Variants in SCAMP1 observed in about 807,000 individuals in gnomAD.
The protein encoded by SCAMP1 is secretory carrier membrane protein 1, also known as secretory carrier-associated membrane protein 1.
A neutral mutation model predicts 41.8 loss-of-function variants in SCAMP1; 15 were observed. The observed-to-expected ratio is 0.36, with a 90% CI of 0.24 to 0.55. The LOEUF (loss-of-function observed/expected upper bound fraction) is 0.55, where lower values mean the gene tolerates loss of function less well. Among genes scored for constraint, SCAMP1 ranks in the 20% least tolerant of loss-of-function variants. The pLI is 0.86. For missense variants in SCAMP1, 341 were observed against 412.6 expected (o/e 0.83, Z 1.50); for synonymous variants, 135 against 136.8 (o/e 0.99, Z 0.09).
At chr5:78,376,333 C>A (rs889789263) in intron 1 of SCAMP1, among the ~76,000 whole-genome samples, 3 of 152,176 alleles carry the variant, frequency 2.0e-5, no homozygotes, top group Non-Finnish European at 4.4e-5. Context: ...TTTAGCACAT[C>A]TCAATTGGAC....
In SCAMP1 at chr5:78,475,863, C is replaced by T. The variant is rs1424786553; in HGVS notation, c.*195C>T. The T allele has an allele frequency of 5.8e-6, 2 of 344,936 alleles. No individual in the cohort carries two copies. Among genetic ancestry groups the T allele is most frequent in the Non-Finnish European group, 1.0e-5 (2 of 194,692 alleles). 21.4% of individuals were successfully genotyped at this position (344,936 alleles called of 1,614,324 possible). A position where few individuals can be genotyped will look rare whatever the true frequency, so the allele number is the denominator to read the frequency against. ...TAATAGTTTCTTAATATTTCAGTGCCCCTTGCAGAAAAAATATTACATGCT... is the reference window on the plus strand; with the variant it reads ...TAATAGTTTCTTAATATTTCAGTGCTCCTTGCAGAAAAAATATTACATGCT... On this transcript the variant is annotated 3_prime_UTR_variant, in exon 9 of 9. Transcript: ENST00000621999.
chr5:78,418,794 A>G lies in SCAMP1; in HGVS notation c.363A>G (p.Pro121=). 6.5e-7 allele frequency: 1 copy of G among 1,548,804 alleles called. No individual in the cohort carries two copies. The highest frequency in any genetic ancestry group is 8.7e-7 in the Non-Finnish European group (1 of 1,146,876). The change falls in exon 5 of 9, where the codon CCA becomes CCG. Residue 121 remains proline (P), a synonymous_variant. Transcript: ENST00000621999. ...TTACAGGTAGAAAAAATAATTGGCC[A>G]CCTCTTCCTAGCAATTTTCCTGTCG... The part of the protein sequence containing the change: ...LSQHGRKNNW[P]PLPSNFPVGP...
At chr5:78,467,461 G>T (rs1273109678) in intron 8 of SCAMP1, among the ~76,000 whole-genome samples, 2 of 152,106 alleles carry the variant, frequency 1.3e-5, no homozygotes, top group African/African-American at 4.8e-5. Context: ...AGTTTTTCAG[G>T]ATCCACCACA....
intron 8 of SCAMP1, 28 bp from the exon 9 acceptor site, chr5:78,475,476 C>A: frequency 4.6e-6 from 7 of 1,520,442 alleles, no homozygotes; most frequent in South Asian, 1.3e-5. Flanking sequence ...TGCTACTTAC[C>A]TTCTCCCACT....
intron 2 of SCAMP1, among the ~76,000 whole-genome samples, chr5:78,389,774 A>C (rs1751439755): frequency 6.6e-6 from 1 of 151,322 alleles, no homozygotes; most frequent in East Asian, 1.9e-4. Context: ...AAAACTGTTG[A>C]GGTAGATTCT....
At chr5:78,380,399 T>A (rs1290860770) in intron 1 of SCAMP1, among the ~76,000 whole-genome samples, 1 of 152,226 alleles carries the variant, frequency 6.6e-6, no homozygotes, top group Non-Finnish European at 1.5e-5. Flanking sequence ...GTAACAGTCT[T>A]TATTCCCATT....
At chr5:78,433,557 C>T (rs1359032949) in intron 6 of SCAMP1, among the ~76,000 whole-genome samples, 1 of 152,106 alleles carries the variant, frequency 6.6e-6, no homozygotes, top group African/African-American at 2.4e-5. Flanking sequence ...CATGACTGCC[C>T]TCAGTACCTC....
intron 2 of SCAMP1, among the ~76,000 whole-genome samples, chr5:78,393,706 G>A (rs960721658): frequency 6.6e-6 from 1 of 152,146 alleles, no homozygotes; most frequent in African/African-American, 2.4e-5. Flanking sequence ...CTGAAATTAT[G>A]TTGTGCATGG....
At chr5:78,451,580 T>C (rs952684886) in intron 7 of SCAMP1, among the ~76,000 whole-genome samples, 2 of 152,232 alleles carry the variant, frequency 1.3e-5, no homozygotes, top group African/African-American at 2.4e-5. Flanking sequence ...AACCTTTGGC[T>C]TTTTTCCCCT....
rs368731851 is a variant in SCAMP1, at chr5:78,396,836, C to T, written c.135+7922C>T. 2.7e-4 allele frequency among the ~76,000 whole-genome samples: 41 copies of T among 152,226 alleles called. No individual in the cohort carries two copies. In the East Asian group the frequency reaches 6.6e-3, roughly 24 times the overall value. On this transcript the variant is annotated intron_variant, in intron 2 of 8. Coordinates refer to ENST00000621999, the MANE Select transcript of SCAMP1 (RefSeq NM_004866.6). ...TAAACTATCAATGCTGATGATAGAG[C>T]AAATAAAATTAAGACAGAAAATTTA...
intron 8 of SCAMP1, among the ~76,000 whole-genome samples, chr5:78,473,901 A>T (rs1753943557): frequency 6.6e-6 from 1 of 152,100 alleles, no homozygotes; most frequent in African/African-American, 2.4e-5. Flanking sequence ...TAGCTTAAAC[A>T]ACAGATAATG....
At chr5:78,441,985 C>T (rs577360433) in intron 6 of SCAMP1, among the ~76,000 whole-genome samples, 7 of 152,140 alleles carry the variant, frequency 4.6e-5, no homozygotes, top group Admixed American at 2.6e-4. Flanking sequence ...AAATATTAGT[C>T]GGTTGTCATG....
intron 6 of SCAMP1, among the ~76,000 whole-genome samples, chr5:78,427,641 AT>A (rs1437367943): frequency 3.3e-5 from 5 of 152,096 alleles, no homozygotes; most frequent in Non-Finnish European, 7.4e-5. Context: ...TGGGTGTACC[AT>A]TTCACATTCC....
chr5:78,473,169 A>G (rs1017538859), intron 8 of SCAMP1, among the ~76,000 whole-genome samples: 2 of 152,166 alleles, frequency 1.3e-5, no homozygotes, highest in African/African-American at 4.8e-5. Flanking sequence ...TTACCAGTAT[A>G]TGTATTTGTC....
intron 1 of SCAMP1, among the ~76,000 whole-genome samples, chr5:78,382,045 T>C (rs2112071592): frequency 6.6e-6 from 1 of 152,280 alleles, no homozygotes; most frequent in East Asian, 1.9e-4. Flanking sequence ...AAGGTACATG[T>C]AGACTAAAGA....
At chr5:78,378,322 CTG>C (rs1464113735) in intron 1 of SCAMP1, among the ~76,000 whole-genome samples, 1 of 152,170 alleles carries the variant, frequency 6.6e-6, no homozygotes, top group Non-Finnish European at 1.5e-5. Flanking sequence ...AAACAGGAGA[CTG>C]AGCTTGATTA....
chr5:78,457,511 A>G (rs1316146145), intron 7 of SCAMP1, among the ~76,000 whole-genome samples: 1 of 152,160 alleles, frequency 6.6e-6, no homozygotes, highest in Non-Finnish European at 1.5e-5. Flanking sequence ...GTCAGGGGTC[A>G]GGGACCCAGT....
intron 6 of SCAMP1, among the ~76,000 whole-genome samples, chr5:78,442,242 C>G (rs982130154): frequency 6.6e-6 from 1 of 152,116 alleles, no homozygotes; most frequent in African/African-American, 2.4e-5. Context: ...ATCATGGAGG[C>G]TTATTTGCAG....
In SCAMP1 at chr5:78,475,641, G is replaced by T; in HGVS notation, c.990G>T (p.Gln330His). Reference sequence around the variant, plus strand: ...CAACTGCAGCATCTAGTGCAGCTCAGAATGCTTTCAAGGGTAACCAGATTT... The same window carrying T: ...CAACTGCAGCATCTAGTGCAGCTCATAATGCTTTCAAGGGTAACCAGATTT... ...AASTAASSAA[Q>H]NAFKGNQI The change falls in exon 9 of 9, where the codon CAG becomes CAT. Residue 330 changes from glutamine to histidine, a missense_variant. Gln to His is a conservative substitution (Grantham distance 24). Transcript: ENST00000621999. 1 of 1,585,834 alleles carries T rather than the reference G, an allele frequency of 6.3e-7. No individual in the cohort carries two copies. Among genetic ancestry groups the T allele is most frequent in the South Asian group, 1.2e-5 (1 of 86,554 alleles).
Sources: allele counts gnomAD v4.1 joint callset (sites outside exome capture counted in the v4.1 genomes callset), GRCh38; gene constraint gnomAD v4.1.1; transcripts MANE v1.5; gene names NCBI Gene and HGNC (gene_info 2026-07-23, HGNC 2026-07-21).